The following ACBD6 variants were observed in gnomAD, a reference collection of about 807,000 sequenced individuals.
ACBD6 encodes acyl-CoA-binding domain-containing protein 6.
In ACBD6, 28 loss-of-function variants were observed where a neutral mutation model predicts 37.2. That is an observed-to-expected ratio of 0.75 (90% CI 0.56 to 1.03). The LOEUF (loss-of-function observed/expected upper bound fraction) is 1.03, where lower values mean the gene tolerates loss of function less well. ACBD6 is among the 50% of genes least tolerant of loss of function. ACBD6 has a pLI of 0.00. For missense variants in ACBD6, 340 were observed against 337.4 expected, an observed-to-expected ratio of 1.01 and a Z score of -0.06; for synonymous variants, 113 against 126.8, an observed-to-expected ratio of 0.89 and a Z score of 0.73.
intron 4 of ACBD6, among the ~76,000 whole-genome samples, chr1:180,428,389 GTTGAA>G (rs1648684208): frequency 1.3e-5 from 2 of 152,316 alleles, no homozygotes; most frequent in Middle Eastern, 6.8e-3. Flanking sequence ...ATAAATGTGT[GTTGAA>G]TTGAATTTAA....
At chr1:180,397,695 A>T in intron 5 of ACBD6, 90 bp from the exon 6 acceptor site, 1 of 1,091,656 alleles carries the variant, frequency 9.2e-7, no homozygotes, top group Non-Finnish European at 1.4e-6. Context: ...GGAAATATAA[A>T]AAATTATGGG....
At chr1:180,450,285 A>C (rs530937766) in intron 3 of ACBD6, among the ~76,000 whole-genome samples, 1 of 152,224 alleles carries the variant, frequency 6.6e-6, no homozygotes, top group Non-Finnish European at 1.5e-5. Context: ...ACTATGCCTA[A>C]AACAGTCTGT....
Position 180,310,841 on chromosome 1 carries a change from T to C in ACBD6, c.694+3851A>G, listed in dbSNP as rs182250567. ...ATATTAATATTTGTAGACATTTACATGTTGCCAATCTGATCGGTATGAAGT... is the reference window on the plus strand; with the variant it reads ...ATATTAATATTTGTAGACATTTACACGTTGCCAATCTGATCGGTATGAAGT... On this transcript the variant is annotated intron_variant, in intron 7 of 7. Coordinates refer to ENST00000367595, the MANE Select transcript of ACBD6 (RefSeq NM_032360.4). Among the ~76,000 whole-genome samples the C allele has an allele frequency of 1.4e-3, 213 of 152,364 alleles. 1 individual carries two copies. The highest frequency in any genetic ancestry group is 2.4e-3 in the Non-Finnish European group (160 of 68,042).
At chr1:180,495,584 T>C (rs1390883747) in intron 1 of ACBD6, 59 bp from the exon 2 acceptor site, 2 of 1,369,356 alleles carry the variant, frequency 1.5e-6, no homozygotes, top group East Asian at 2.3e-5. Context: ...GGGAAACTTT[T>C]CCTTTTCAAA....
intron 6 of ACBD6, among the ~76,000 whole-genome samples, chr1:180,366,369 G>A (rs988008748): frequency 3.3e-5 from 5 of 152,118 alleles, no homozygotes; most frequent in Non-Finnish European, 7.4e-5. Flanking sequence ...AAGACGGTAG[G>A]TTTTCCTGGG....
chr1:180,413,344 TA>T, intron 5 of ACBD6, 21 bp downstream of exon 5: 3 of 1,586,384 alleles, frequency 1.9e-6, no homozygotes, highest in Non-Finnish European at 2.6e-6. Flanking sequence ...GGAAAATAAT[TA>T]ACAGGGCATG....
chr1:180,394,751 T>A (rs10913981), intron 6 of ACBD6, among the ~76,000 whole-genome samples: 73,890 of 151,982 alleles, frequency 0.49, 20,790 homozygotes, highest in South Asian at 0.66. Flanking sequence ...TGGCTAGTCA[T>A]CTGGACAAAA....
chr1:180,499,059 A>C (rs1310846567), intron 1 of ACBD6, among the ~76,000 whole-genome samples: 1 of 152,330 alleles, frequency 6.6e-6, no homozygotes, highest in East Asian at 1.9e-4. Context: ...CCATAGGCTT[A>C]TCTGAGACTA....
chr1:180,328,388 T>C lies in ACBD6; in HGVS notation c.664-13666A>G, dbSNP rs570282473. Among the ~76,000 whole-genome samples the C allele has an allele frequency of 6.9e-4, 105 of 152,006 alleles. 1 individual carries two copies. The highest frequency in any genetic ancestry group is 1.5e-3 in the Non-Finnish European group (99 of 67,928). The stretch of plus-strand genomic sequence containing the variant: ...CAATGTATATATACACACATATATA[T>C]TCCAAGTGGAAAATTCTCTTCAGTG... On this transcript the variant is annotated intron_variant, in intron 6 of 7. Transcript: ENST00000367595.
chr1:180,397,705 G>T, intron 5 of ACBD6, 100 bp from the exon 6 acceptor site: 2 of 1,016,024 alleles, frequency 2.0e-6, no homozygotes, highest in Non-Finnish European at 3.1e-6. Context: ...AAAATTATGG[G>T]TTAATTATTC....
chr1:180,277,834 T>A (rs796879260), intron 9 of ACBD6: 6 of 143,552 alleles, frequency 4.2e-5, no homozygotes, highest in African/African-American at 1.5e-4. Flanking sequence ...AGGAAAAAAT[T>A]AAGCCACAAG....
intron 6 of ACBD6, among the ~76,000 whole-genome samples, chr1:180,329,401 C>G (rs905179285): frequency 6.6e-6 from 1 of 152,004 alleles, no homozygotes; most frequent in Non-Finnish European, 1.5e-5. Flanking sequence ...ATCAGTGTAC[C>G]TGAACTCTTT....
At chr1:180,375,553 T>C (rs1359284825) in intron 6 of ACBD6, among the ~76,000 whole-genome samples, 1 of 152,196 alleles carries the variant, frequency 6.6e-6, no homozygotes, top group Non-Finnish European at 1.5e-5. Flanking sequence ...CTTGAGCTCC[T>C]AGGCTCAAGG....
chr1:180,500,132 TAAAAAAAA>T (rs778814281), intron 1 of ACBD6, among the ~76,000 whole-genome samples: 2 of 133,316 alleles, frequency 1.5e-5, no homozygotes. Context: ...CTTTTTTAGT[TAAAAAAAA>T]AAAAAAAAGA....
intron 6 of ACBD6, among the ~76,000 whole-genome samples, chr1:180,340,710 ACAAG>A (rs895911356): frequency 6.6e-6 from 1 of 151,992 alleles, no homozygotes; most frequent in Non-Finnish European, 1.5e-5. Flanking sequence ...GATATAGTAC[ACAAG>A]CAGAGGGGAA....
intron 6 of ACBD6, among the ~76,000 whole-genome samples, chr1:180,327,553 G>C (rs2149298309): frequency 6.6e-6 from 1 of 152,318 alleles, no homozygotes; most frequent in Middle Eastern, 3.4e-3. Context: ...AAAATTTGGT[G>C]TTCCTGCTGG....
chr1:180,493,416 C>T (rs1571581344), intron 2 of ACBD6, among the ~76,000 whole-genome samples: 1 of 152,014 alleles, frequency 6.6e-6, no homozygotes, highest in African/African-American at 2.4e-5. Context: ...CCAGGACAGG[C>T]CTTCTTCTTG....
intron 3 of ACBD6, among the ~76,000 whole-genome samples, chr1:180,489,084 T>C (rs980072054): frequency 1.1e-4 from 16 of 152,082 alleles, no homozygotes; most frequent in Non-Finnish European, 2.1e-4. Context: ...AAGAATTGTT[T>C]GAACCTGGGA....
At chr1:180,500,829 TAAA>T (rs397982142) in intron 1 of ACBD6, among the ~76,000 whole-genome samples, 10,867 of 111,714 alleles carry the variant, frequency 0.097, 632 homozygotes, top group African/African-American at 0.16. Flanking sequence ...AGACCCTCTG[TAAA>T]AAAAAAAAAA....
Sources: allele counts gnomAD v4.1 joint callset (sites outside exome capture counted in the v4.1 genomes callset), GRCh38; gene constraint gnomAD v4.1.1; transcripts MANE v1.5; gene names NCBI Gene and HGNC (gene_info 2026-07-23, HGNC 2026-07-21).